Variants in ADAMTS9 observed in about 807,000 individuals in gnomAD.
The protein encoded by ADAMTS9 is ADAM metallopeptidase with thrombospondin type 1 motif 9, also known as A disintegrin and metalloproteinase with thrombospondin motifs 9.
A neutral mutation model predicts 257.1 loss-of-function variants in ADAMTS9; 107 were observed. The observed-to-expected ratio is 0.42, with a 90% confidence interval of 0.36 to 0.49. The LOEUF is 0.49. Among genes scored for constraint, ADAMTS9 ranks in the 20% least tolerant of loss-of-function variants. The probability of loss-of-function intolerance (pLI) is 0.03; values close to 1 mark genes in which losing one functional copy is unlikely to be tolerated. For missense variants in ADAMTS9, 2,353 were observed against 2,469.1 expected, an observed-to-expected ratio of 0.95 and a Z score of 1.00; for synonymous variants, 982 against 880.9, an observed-to-expected ratio of 1.11 and a Z score of -2.03.
chr3:64,659,834 C>A (rs1701182821), intron 3 of ADAMTS9, among the ~76,000 whole-genome samples: 1 of 152,058 alleles, frequency 6.6e-6, no homozygotes, highest in Non-Finnish European at 1.5e-5. Flanking sequence ...AGTCTTGCTG[C>A]TCAGAGTAGG....
chr3:64,671,219 C>G (rs1298057159), intron 3 of ADAMTS9, among the ~76,000 whole-genome samples: 1 of 152,186 alleles, frequency 6.6e-6, no homozygotes, highest in Non-Finnish European at 1.5e-5. Flanking sequence ...ATTACTGATA[C>G]AGGCAACAAT....
intron 4 of ADAMTS9, among the ~76,000 whole-genome samples, chr3:64,656,666 G>A (rs7646449): frequency 0.24 from 36,625 of 151,844 alleles, 4,742 homozygotes; most frequent in Non-Finnish European, 0.29. Context: ...TGAAAATGAG[G>A]CTGTGCATAT....
chr3:64,687,463 G>T lies in ADAMTS9; in HGVS notation c.115+80C>A. The T allele has an allele frequency of 8.8e-7, 1 of 1,142,846 alleles. No homozygotes were observed. The highest frequency in any genetic ancestry group is 1.2e-6 in the Non-Finnish European group (1 of 830,550). The allele number at this position is 1,142,846 out of a possible 1,614,324, so 70.8% of individuals were successfully genotyped here. A position where few individuals can be genotyped will look rare whatever the true frequency, so the allele number is the denominator to read the frequency against. ...TAGGAAAAGGAGAGAAGCCTCCGCT[G>T]CGGGGTGCCCCTGCCCAGGAGCGAG... On this transcript the variant is annotated intron_variant, in intron 1 of 39. Transcript: ENST00000498707. The surrounding 1 kb of genome is among the most constrained non-coding windows in gnomAD (Gnocchi z 4.4).
At position 64,541,219 on chromosome 3, in the gene ADAMTS9, G is replaced by A. The variant is rs1255019826; in HGVS notation, c.5397C>T (p.Asn1799=). 5.0e-6 allele frequency: 8 copies of A among 1,614,212 alleles called. No individual in the cohort carries two copies. Among genetic ancestry groups the A allele is most frequent in the East Asian group, 2.2e-5 (1 of 44,882 alleles). The stretch of plus-strand genomic sequence containing the variant: ...TCCCGTTATAGGGACATTCTGTTGG[G>A]TTGTGTAACCTAAATTATACAGAGA... ...FSEVYGHRLH[N]PTECPYNGSR... The change falls in exon 36 of 40, where the codon AAC becomes AAT. Residue 1799 remains asparagine (N), a synonymous_variant. Transcript: ENST00000498707.
intron 12 of ADAMTS9, among the ~76,000 whole-genome samples, chr3:64,639,293 G>GTT (rs753448050): frequency 0.011 from 644 of 56,890 alleles, 18 homozygotes; most frequent in African/African-American, 0.048. Flanking sequence ...TAGGTGGATT[G>GTT]TTTTTTTTTT....
chr3:64,664,833 T>G (rs1701313422), intron 3 of ADAMTS9, among the ~76,000 whole-genome samples: 1 of 152,220 alleles, frequency 6.6e-6, no homozygotes, highest in Non-Finnish European at 1.5e-5. Flanking sequence ...GTATAACATT[T>G]TGAAGAACTG....
Position 64,561,570 on chromosome 3 carries a change from C to G in ADAMTS9, c.4698+8G>C, listed in dbSNP as rs1431804088. ...GCCTGGCAGGTACCCCTTTGTGGCT[C>G]TACTTACTTCTTGCCATTCCTCTGC... On this transcript the variant is annotated splice_region_variant and intron_variant, in intron 30 of 39. Coordinates refer to ENST00000498707, the MANE Select transcript of ADAMTS9 (RefSeq NM_182920.2). 7.5e-6 allele frequency: 12 copies of G among 1,610,672 alleles called. 1 individual carries two copies. Among genetic ancestry groups the G allele is most frequent in the Middle Eastern group, 3.3e-4 (2 of 6,066 alleles).
chr3:64,583,275 TCA>T, intron 28 of ADAMTS9: 1 of 152,206 alleles, frequency 6.6e-6, no homozygotes, highest in Non-Finnish European at 1.5e-5. Flanking sequence ...ATTTGCAGAT[TCA>T]CAGTCTGGTG....
Position 64,687,688 on chromosome 3 carries a change from CA to C in ADAMTS9, c.-32del. ...TTCCCACCCCTCCCTCCGCTGCCCCCACCCCCCTCCCTCCTGCCCTCCTTGG... is the reference window on the plus strand; with the variant it reads ...TTCCCACCCCTCCCTCCGCTGCCCCCCCCCCCTCCCTCCTGCCCTCCTTGG... On this transcript the variant is annotated 5_prime_UTR_variant, in exon 1 of 40. Transcript: ENST00000498707. The surrounding 1 kb of genome is among the most constrained non-coding windows in gnomAD (Gnocchi z 4.4). 1.4e-6 allele frequency: 2 copies of C among 1,447,444 alleles called. No individual in the cohort carries two copies. The highest frequency in any genetic ancestry group is 1.9e-6 in the Non-Finnish European group (2 of 1,076,468). 89.7% of individuals were successfully genotyped at this position (1,447,444 alleles called of 1,614,324 possible).
intron 15 of ADAMTS9, 44 bp downstream of exon 15, chr3:64,631,764 T>A (rs1447162643): frequency 6.5e-7 from 1 of 1,528,210 alleles, no homozygotes; most frequent in Admixed American, 1.7e-5. Context: ...ATTTTCAAAC[T>A]TTGACCATAT....
chr3:64,667,636 T>G (rs989736100), intron 3 of ADAMTS9, among the ~76,000 whole-genome samples: 1 of 152,188 alleles, frequency 6.6e-6, no homozygotes, highest in Admixed American at 6.5e-5. Flanking sequence ...GCATGAGAGC[T>G]GGGTGCACTA....
At position 64,561,724 on chromosome 3, in the gene ADAMTS9, G is replaced by A; in HGVS notation, c.4552C>T (p.Gln1518Ter). 6.3e-7 allele frequency: 1 copy of A among 1,594,522 alleles called. No individual in the cohort carries two copies. Among genetic ancestry groups the A allele is most frequent in the Non-Finnish European group, 8.6e-7 (1 of 1,168,422 alleles). Residue 1518 changes from glutamine to a stop codon, truncating the protein, a stop_gained, in exon 30 of 40, where the codon CAG becomes TAG. Transcript: ENST00000498707. LOFTEE classifies it high-confidence loss of function. ...ATCTGACAGCCCACATGCCTCTGCT[G>A]TACGCCTCGGCCACAGGACACAGAG... Reference protein sequence around the residue: ...QCSVSCGRGVQQRHVGCQIGT... With the variant: ...QCSVSCGRGV
intron 28 of ADAMTS9, among the ~76,000 whole-genome samples, chr3:64,578,978 A>G (rs1268933250): frequency 6.6e-6 from 1 of 152,190 alleles, no homozygotes; most frequent in Non-Finnish European, 1.5e-5. Flanking sequence ...TGCTAAATCC[A>G]GAAGCCAGAG....
intron 3 of ADAMTS9, among the ~76,000 whole-genome samples, chr3:64,661,680 A>G (rs1189124637): frequency 6.6e-6 from 1 of 152,184 alleles, no homozygotes; most frequent in Non-Finnish European, 1.5e-5. Flanking sequence ...GAATTGAGAA[A>G]AAGACAGTGC....
intron 32 of ADAMTS9, among the ~76,000 whole-genome samples, chr3:64,543,719 G>A (rs2083158552): frequency 6.6e-6 from 1 of 152,184 alleles, no homozygotes; most frequent in Non-Finnish European, 1.5e-5. Flanking sequence ...AGACAGGGAT[G>A]CCCCCTCTCA....
At position 64,606,995 on chromosome 3, in the gene ADAMTS9, C is replaced by A. The variant is rs1445185672; in HGVS notation, c.3439G>T (p.Asp1147Tyr). 6.2e-7 allele frequency: 1 copy of A among 1,613,890 alleles called. No individual in the cohort carries two copies. Among genetic ancestry groups the A allele is most frequent in the Admixed American group, 1.7e-5 (1 of 60,020 alleles). Residue 1147 changes from aspartate to tyrosine, a missense_variant, in exon 23 of 40, where the codon GAC (aspartate) becomes TAC (tyrosine). Coordinates refer to ENST00000498707, the MANE Select transcript of ADAMTS9 (RefSeq NM_182920.2). ...GTYMSVVDDN[D>Y]CNAATRPTDT... ...GTTGGTCTAGTTGCTGCATTACAGT[C>A]ATTGTCATCTACCACTGACATATAA...
At chr3:64,524,936 T>C (rs919005394) in intron 38 of ADAMTS9, among the ~76,000 whole-genome samples, 23 of 152,352 alleles carry the variant, frequency 1.5e-4, no homozygotes, top group Middle Eastern at 3.4e-3. Flanking sequence ...TCTCCCTCTC[T>C]GTGCATACTG....
At chr3:64,630,249 C>A (rs572591511) in intron 16 of ADAMTS9, among the ~76,000 whole-genome samples, 2 of 152,224 alleles carry the variant, frequency 1.3e-5, no homozygotes, top group Non-Finnish European at 2.9e-5. Flanking sequence ...TCACTTACAG[C>A]AATTTACAGA....
At chr3:64,618,665 A>G (rs563940439) in intron 19 of ADAMTS9, among the ~76,000 whole-genome samples, 1 of 152,266 alleles carries the variant, frequency 6.6e-6, no homozygotes, top group African/African-American at 2.4e-5. Context: ...CATGTGTAGC[A>G]TTTCACACAT....
Sources: gnomAD v4.1 joint callset for allele counts (sites outside exome capture counted in the v4.1 genomes callset) on GRCh38, gnomAD v4.1.1 for gene constraint, Gnocchi (gnomAD v3.1) non-coding constraint, MANE v1.5 for transcripts, NCBI Gene and HGNC (gene_info 2026-07-23, HGNC 2026-07-21) for gene names.